ACP1: variants seen among roughly 807,000 people sequenced by gnomAD.
ACP1 encodes the protein low molecular weight phosphotyrosine protein phosphatase.
A neutral mutation model predicts 23.4 loss-of-function variants in ACP1; 23 were observed. The observed-to-expected ratio is 0.98, with a 90% CI of 0.71 to 1.39. The LOEUF (loss-of-function observed/expected upper bound fraction) is 1.39. Ranked by LOEUF, ACP1 falls within the 40% of genes most tolerant of loss-of-function variation. The pLI is 0.00. For synonymous variants in ACP1, 72 were observed against 67.2 expected, an observed-to-expected ratio of 1.07 and a Z score of -0.35; for missense variants, 180 against 197.7, an observed-to-expected ratio of 0.91 and a Z score of 0.54.
intron 1 of ACP1, chr2:269,256 G>A (rs962173194): frequency 2.1e-6 from 1 of 466,620 alleles, no homozygotes; most frequent in Non-Finnish European, 4.4e-6. Context: ...AGCATATAGA[G>A]GGTATTCAAG....
chr2:272,472 CT>C (rs1670073005), intron 3 of ACP1: 1 of 1,434,508 alleles, frequency 7.0e-7, no homozygotes, highest in African/African-American at 1.4e-5. Flanking sequence ...TGTTGAAAGA[CT>C]TGCCTGACTT....
Position 276,998 on chromosome 2 carries a change from TAATC to T in ACP1, c.315_318del (p.Asn105LysfsTer79), listed in dbSNP as rs1343588518. 14 of 1,601,936 alleles carry T rather than the reference TAATC, an allele frequency of 8.7e-6. No individual in the cohort carries two copies. The highest frequency in any genetic ancestry group is 1.1e-5 in the Non-Finnish European group (13 of 1,173,106). Reference sequence around the variant, plus strand: ...TTTACAGAGATTTGAATAGAAAAAGTAATCAAGTTAAAACCTGCAAAGCTAAAAT... The same window carrying T: ...TTTACAGAGATTTGAATAGAAAAAGTAAGTTAAAACCTGCAAAGCTAAAAT... On this transcript the variant is annotated frameshift_variant, in exon 5 of 6. Coordinates refer to ENST00000272065, the MANE Select transcript of ACP1 (RefSeq NM_004300.4). LOFTEE classifies it high-confidence loss of function.
intron 1 of ACP1, among the ~76,000 whole-genome samples, chr2:267,309 C>T (rs1001110613): frequency 1.3e-5 from 2 of 152,160 alleles, no homozygotes; most frequent in African/African-American, 4.8e-5. Flanking sequence ...AAAATCCCAG[C>T]CTCTCTGGAG....
At chr2:268,692 A>G (rs552128649) in intron 1 of ACP1, among the ~76,000 whole-genome samples, 1 of 152,372 alleles carries the variant, frequency 6.6e-6, no homozygotes, top group African/African-American at 2.4e-5. Context: ...TAGTCTGCCT[A>G]ATTTGGAAAA....
Position 265,001 on chromosome 2 carries a change from T to A in ACP1, c.37T>A (p.Cys13Ser). The change falls in exon 1 of 6, where the codon TGT becomes AGT. Residue 13 changes from cysteine (C) to serine (S), a missense_variant. Physicochemically the swap from Cys to Ser is moderately radical, Grantham distance 112. Transcript: ENST00000272065. ...EQATKSVLFV[C>S]LGNICRSPIA... Reference sequence around the variant, plus strand: ...GGCTACCAAGTCCGTGCTGTTTGTGTGTCTGGGTAAGAGGGCGCCGACTTA... The same window carrying A: ...GGCTACCAAGTCCGTGCTGTTTGTGAGTCTGGGTAAGAGGGCGCCGACTTA... 1.2e-6 allele frequency: 2 copies of A among 1,613,422 alleles called. No individual in the cohort carries two copies. The highest frequency in any genetic ancestry group is 1.7e-6 in the Non-Finnish European group (2 of 1,179,684).
At chr2:266,312 T>C (rs958717375) in intron 1 of ACP1, 14 of 152,236 alleles carry the variant, frequency 9.2e-5, no homozygotes, top group Non-Finnish European at 4.4e-5. Context: ...ACATTGGTAG[T>C]GGGCATCATT....
chr2:271,384 G>A (rs1670027188), intron 1 of ACP1, among the ~76,000 whole-genome samples: 1 of 152,046 alleles, frequency 6.6e-6, no homozygotes, highest in East Asian at 1.9e-4. Flanking sequence ...ACATTCTCAG[G>A]GGCCAACTAT....
intron 1 of ACP1, among the ~76,000 whole-genome samples, chr2:270,735 T>C (rs972511328): frequency 1.3e-5 from 2 of 152,084 alleles, no homozygotes; most frequent in Non-Finnish European, 2.9e-5. Context: ...TTGGCAGTGC[T>C]CTTTGAATAT....
At chr2:265,161 C>T in intron 1 of ACP1, 154 bp downstream of exon 1, 1 of 801,746 alleles carries the variant, frequency 1.2e-6, no homozygotes. Flanking sequence ...GCCGCAGCGC[C>T]CCTGTTCCCC....
chr2:274,707 A>AG (rs1197028524), intron 3 of ACP1: 10 of 152,338 alleles, frequency 6.6e-5, no homozygotes, highest in Admixed American at 5.9e-4. Context: ...CCCATGTGGA[A>AG]GGGCAGCTCC....
chr2:266,060 A>G (rs1558260907), intron 1 of ACP1, among the ~76,000 whole-genome samples: 1 of 152,210 alleles, frequency 6.6e-6, no homozygotes, highest in Admixed American at 6.5e-5. Flanking sequence ...TTTGTGTAAT[A>G]TAGTAAAAGA....
At chr2:267,026 C>T (rs1008510323) in intron 1 of ACP1, among the ~76,000 whole-genome samples, 4 of 152,128 alleles carry the variant, frequency 2.6e-5, no homozygotes, top group East Asian at 3.8e-4. Flanking sequence ...TGGACAAAGA[C>T]GTGTTTCACT....
chr2:273,116 G>A (rs1400582736), intron 3 of ACP1: 2 of 154,484 alleles, frequency 1.3e-5, no homozygotes, highest in Non-Finnish European at 1.5e-5. Flanking sequence ...GAGGAGTCAA[G>A]AGAGTGCCCC....
intron 1 of ACP1, among the ~76,000 whole-genome samples, chr2:266,039 T>C (rs1468520227): frequency 6.6e-6 from 1 of 152,218 alleles, no homozygotes; most frequent in East Asian, 1.9e-4. Context: ...ATTACACAAA[T>C]TTTACTATAA....
At chr2:276,260 G>T (rs1670169122) in intron 4 of ACP1, among the ~76,000 whole-genome samples, 1 of 152,102 alleles carries the variant, frequency 6.6e-6, no homozygotes, top group African/African-American at 2.4e-5. Context: ...CTGCTGCCCT[G>T]TCATTAGGCC....
chr2:267,707 T>C (rs1169416615), intron 1 of ACP1, among the ~76,000 whole-genome samples: 5 of 152,234 alleles, frequency 3.3e-5, no homozygotes, highest in Admixed American at 2.6e-4. Flanking sequence ...AGTGCTTCCA[T>C]TGTAGATGTA....
intron 3 of ACP1, chr2:274,782 G>C (rs1670130208): frequency 6.5e-6 from 1 of 155,018 alleles, no homozygotes; most frequent in Admixed American, 6.5e-5. Flanking sequence ...TTCAGTGCTT[G>C]TGGAATGAAA....
chr2:265,048 G>A lies in ACP1; in HGVS notation c.43+41G>A, dbSNP rs747649047. On this transcript the variant is annotated intron_variant, in intron 1 of 5. Transcript: ENST00000272065. The stretch of plus-strand genomic sequence containing the variant: ...CTTACTCATGTTCTGACGTCCTCTG[G>A]AGAGTTGGATCGGGCTTGTGCGCTG... The A allele has an allele frequency of 3.1e-6, 5 of 1,608,236 alleles. No homozygotes were observed. The South Asian group carries it at 5.5e-5, about 18-fold the overall frequency.
rs1669927977 is a variant in ACP1 at position 267,705 on chromosome 2, C to T, written c.43+2698C>T. The stretch of plus-strand genomic sequence containing the variant: ...TGAGCGCCTGTTTTCTCAGTGCTTC[C>T]ATTGTAGATGTATAGGGAGAAGTTA... On this transcript the variant is annotated intron_variant, in intron 1 of 5. Transcript: ENST00000272065. Among the ~76,000 whole-genome samples the T allele has an allele frequency of 2.0e-5, 3 of 152,206 alleles. No homozygotes were observed. In the South Asian group the frequency reaches 6.2e-4, roughly 31 times the overall value.
Sources: gnomAD v4.1 joint callset for allele counts (sites outside exome capture counted in the v4.1 genomes callset) on GRCh38, gnomAD v4.1.1 for gene constraint, MANE v1.5 for transcripts, NCBI Gene and HGNC (gene_info 2026-07-23, HGNC 2026-07-21) for gene names.